The following FAM167A variants were observed in gnomAD, a reference collection of about 807,000 sequenced individuals.
The protein encoded by FAM167A is protein FAM167A.
In FAM167A, 23 loss-of-function variants were observed where a neutral mutation model predicts 14.9. The observed-to-expected ratio is 1.55, with a 90% CI of 1.11 to 2.19. FAM167A has a LOEUF of 2.19. Among genes scored for constraint, FAM167A ranks in the 30% most tolerant of loss-of-function variants. The pLI is 0.00. For missense variants in FAM167A, 401 were observed against 281.5 expected (o/e 1.42, Z -3.04); for synonymous variants, 174 against 117.7 (o/e 1.48, Z -3.10).
upstream of FAM167A, among the ~76,000 whole-genome samples, chr8:11,471,768 C>T (rs1487343281): frequency 6.6e-6 from 1 of 152,204 alleles, no homozygotes; most frequent in African/African-American, 2.4e-5. Flanking sequence ...CTCCTTTCCA[C>T]CTGGGACCTA....
chr8:11,424,795 A>G (rs1477967827), intron 2 of FAM167A, among the ~76,000 whole-genome samples, 159 bp from the exon 3 acceptor site: 1 of 151,970 alleles, frequency 6.6e-6, no homozygotes, highest in African/African-American at 2.4e-5. Context: ...AAAGACACAG[A>G]AAGCAAGGTG....
upstream of FAM167A, among the ~76,000 whole-genome samples, chr8:11,469,820 C>T (rs1036511258): frequency 1.4e-4 from 22 of 152,002 alleles, no homozygotes; most frequent in African/African-American, 5.1e-4. Context: ...TTGAAGGTTG[C>T]AGTCAGCCAT....
chr8:11,458,155 A>G (rs995481036), intron 1 of FAM167A, among the ~76,000 whole-genome samples: 1 of 152,076 alleles, frequency 6.6e-6, no homozygotes, highest in Admixed American at 6.5e-5. Context: ...ATCTTTCTTG[A>G]GTTGAGATGG....
At chr8:11,462,950 C>G (rs1238132591) in intron 1 of FAM167A, among the ~76,000 whole-genome samples, 1 of 152,150 alleles carries the variant, frequency 6.6e-6, no homozygotes, top group African/African-American at 2.4e-5. Flanking sequence ...TTCAGAGACA[C>G]TCTTGACTCA....
chr8:11,468,278 C>A (rs1412826987), upstream of FAM167A, among the ~76,000 whole-genome samples: 2 of 152,322 alleles, frequency 1.3e-5, no homozygotes, highest in South Asian at 4.1e-4. Context: ...TGGCCTCTGT[C>A]CGTCTCTAGG....
chr8:11,453,237 A>C (rs1807097162), intron 1 of FAM167A, among the ~76,000 whole-genome samples: 1 of 152,228 alleles, frequency 6.6e-6, no homozygotes, highest in South Asian at 2.1e-4. Flanking sequence ...CAAGTGGTAC[A>C]ATCACAGCTC....
At chr8:11,446,654 T>C (rs1267402406) in intron 1 of FAM167A, 1 of 152,208 alleles carries the variant, frequency 6.6e-6, no homozygotes, top group East Asian at 1.9e-4. Flanking sequence ...ACCAACCTCC[T>C]ATGTTCTAGC....
At chr8:11,442,475 C>T (rs187919170) in intron 2 of FAM167A, among the ~76,000 whole-genome samples, 1 of 152,082 alleles carries the variant, frequency 6.6e-6, no homozygotes, top group Non-Finnish European at 1.5e-5. Context: ...GGGCGCTATG[C>T]GGAATGCTAA....
At chr8:11,425,817 A>G (rs1391130078) in intron 2 of FAM167A, among the ~76,000 whole-genome samples, 1 of 152,184 alleles carries the variant, frequency 6.6e-6, no homozygotes, top group African/African-American at 2.4e-5. Flanking sequence ...CAAACCCTGA[A>G]GAAAATAAAA....
At chr8:11,454,776 C>T (rs977021756) in intron 1 of FAM167A, among the ~76,000 whole-genome samples, 1 of 152,184 alleles carries the variant, frequency 6.6e-6, no homozygotes, top group African/African-American at 2.4e-5. Flanking sequence ...TAATCAGAAA[C>T]CCAACACTTA....
chr8:11,450,351 C>T (rs1320643882), intron 1 of FAM167A, among the ~76,000 whole-genome samples: 1 of 152,240 alleles, frequency 6.6e-6, no homozygotes, highest in Non-Finnish European at 1.5e-5. Flanking sequence ...GTGCTAAAAG[C>T]TTTACATGTA....
intron 1 of FAM167A, among the ~76,000 whole-genome samples, chr8:11,456,135 CTGTGTGTGTG>C (rs1189603955): frequency 6.7e-5 from 1 of 15,022 alleles, no homozygotes; most frequent in South Asian, 2.3e-3. Context: ...GGTTGCCTTG[CTGTGTGTGTG>C]TGTGAATGTG....
intron 2 of FAM167A, chr8:11,438,703 C>T (rs1255139048): frequency 2.7e-6 from 1 of 370,678 alleles, no homozygotes; most frequent in Non-Finnish European, 5.2e-6. Flanking sequence ...TGGTAACCCC[C>T]ACGAGGCCGT....
At chr8:11,465,082 T>C (rs961564909) in intron 1 of FAM167A, among the ~76,000 whole-genome samples, 4 of 152,062 alleles carry the variant, frequency 2.6e-5, no homozygotes, top group Non-Finnish European at 5.9e-5. Context: ...TTCTTCTGCT[T>C]CAGGTGGGAA....
intron 1 of FAM167A, among the ~76,000 whole-genome samples, chr8:11,446,081 G>T (rs956895815): frequency 1.3e-5 from 2 of 151,938 alleles, no homozygotes; most frequent in African/African-American, 4.8e-5. Context: ...TGGAGTGAGG[G>T]GAACTGGGCA....
upstream of FAM167A, among the ~76,000 whole-genome samples, chr8:11,470,722 G>A (rs1807932744): frequency 6.6e-6 from 1 of 152,180 alleles, no homozygotes. Flanking sequence ...AGGACACTAA[G>A]GGTGGCGACA....
chr8:11,431,890 T>A (rs1426086512), intron 2 of FAM167A, among the ~76,000 whole-genome samples: 1 of 26,334 alleles, frequency 3.8e-5, no homozygotes, highest in African/African-American at 2.9e-4. Flanking sequence ...CTGGACCAAT[T>A]GGCAAAAAAA....
chr8:11,422,081 C>G lies in FAM167A; in HGVS notation c.*2292G>C. ...AAAATAGCTCAGACATTTAACTTAT[C>G]CCCAAACATGTGTCTTGATCTTAGT... On this transcript the variant is annotated 3_prime_UTR_variant, in exon 3 of 3. Coordinates refer to ENST00000284486, the MANE Select transcript of FAM167A (RefSeq NM_053279.3). 3 of 353,064 alleles carry G rather than the reference C, an allele frequency of 8.5e-6. No homozygotes were observed. In the Admixed American group the frequency reaches 1.4e-4, roughly 17 times the overall value. The allele number at this position is 353,064 out of a possible 1,614,324, so 21.9% of individuals were successfully genotyped here. A position where few individuals can be genotyped will look rare whatever the true frequency, so the allele number is the denominator to read the frequency against.
intron 1 of FAM167A, among the ~76,000 whole-genome samples, chr8:11,448,792 G>A (rs1806900850): frequency 6.6e-6 from 1 of 152,228 alleles, no homozygotes; most frequent in Admixed American, 6.5e-5. Flanking sequence ...CTCTCTGCAT[G>A]GCAGACCAAG....
Sources: gnomAD v4.1 joint callset for allele counts (sites outside exome capture counted in the v4.1 genomes callset) on GRCh38, gnomAD v4.1.1 for gene constraint, MANE v1.5 for transcripts, NCBI Gene and HGNC (gene_info 2026-07-23, HGNC 2026-07-21) for gene names.